CUL1: variants seen among roughly 807,000 people sequenced by gnomAD.
CUL1 encodes cullin-1.
In CUL1, 24 loss-of-function variants were observed where a neutral mutation model predicts 118.0. That is an observed-to-expected ratio of 0.20 (90% CI 0.15 to 0.29). CUL1 has a LOEUF of 0.29. CUL1 is among the 10% of genes least tolerant of loss of function. The pLI, the probability that CUL1 is intolerant of heterozygous loss-of-function variation, is 1.00. For synonymous variants in CUL1, 332 were observed against 340.4 expected, an observed-to-expected ratio of 0.98 and a Z score of 0.27; for missense variants, 361 against 933.8, an observed-to-expected ratio of 0.39 and a Z score of 7.99.
At chr7:148,736,293 T>C (rs755542270) in intron 2 of CUL1, among the ~76,000 whole-genome samples, 8 of 152,016 alleles carry the variant, frequency 5.3e-5, no homozygotes, top group Non-Finnish European at 1.2e-4. Flanking sequence ...TGGAGGGAAA[T>C]TTAGAGATAT....
intron 1 of CUL1, among the ~76,000 whole-genome samples, chr7:148,720,501 G>A (rs929816805): frequency 3.3e-5 from 5 of 152,268 alleles, no homozygotes; most frequent in African/African-American, 1.2e-4. Context: ...GGCTAAGCAT[G>A]ACCCTCAGTT....
intron 2 of CUL1, among the ~76,000 whole-genome samples, chr7:148,752,471 C>T (rs182463507): frequency 6.6e-6 from 1 of 151,776 alleles, no homozygotes; most frequent in African/African-American, 2.4e-5. Flanking sequence ...TTGATTATTA[C>T]CTAGATTGGT....
At chr7:148,793,176 A>AAC (rs932656510) in intron 17 of CUL1, among the ~76,000 whole-genome samples, 12 of 151,952 alleles carry the variant, frequency 7.9e-5, no homozygotes, top group African/African-American at 2.2e-4. Flanking sequence ...AACTACGTGT[A>AAC]ACACACACAC....
At chr7:148,757,260 A>G (rs954280525) in intron 4 of CUL1, 110 bp downstream of exon 4, 3 of 549,564 alleles carry the variant, frequency 5.5e-6, no homozygotes, top group Non-Finnish European at 8.5e-6. Context: ...TTTTTTCAGA[A>G]TAGTAAACTA....
intron 17 of CUL1, among the ~76,000 whole-genome samples, chr7:148,797,235 G>T (rs1801231408): frequency 6.6e-6 from 1 of 152,084 alleles, no homozygotes; most frequent in South Asian, 2.1e-4. Flanking sequence ...CTTTTGTGAT[G>T]ATCAGTGTCC....
In CUL1 at chr7:148,725,219, G is replaced by GCGCACA; in HGVS notation, c.-161-4742_-161-4741insGCACAC. Among the ~76,000 whole-genome samples, 611 of 140,140 alleles carry GCGCACA rather than the reference G, an allele frequency of 4.4e-3. 4 individuals are homozygous for GCGCACA. The highest frequency in any genetic ancestry group is 0.013 in the African/African-American group (451 of 35,428). 91.9% of individuals were successfully genotyped at this position (140,140 alleles called of 152,430 possible). A position where few individuals can be genotyped will look rare whatever the true frequency, so the allele number is the denominator to read the frequency against. On this transcript the variant is annotated intron_variant, in intron 1 of 21. Coordinates refer to ENST00000325222, the MANE Select transcript of CUL1 (RefSeq NM_003592.3). ...CGTGTACACACACACACACGCGCGCGCTCACACACACACACACACACACAC... is the reference window on the plus strand; with the variant it reads ...CGTGTACACACACACACACGCGCGCGCGCACACTCACACACACACACACACACACAC...
At chr7:148,742,300 C>T (rs1799167235) in intron 2 of CUL1, among the ~76,000 whole-genome samples, 1 of 151,908 alleles carries the variant, frequency 6.6e-6, no homozygotes, top group Non-Finnish European at 1.5e-5. Flanking sequence ...GGAGGCCTCA[C>T]AATCATGGTA....
chr7:148,796,530 C>T (rs1584826068), intron 17 of CUL1, among the ~76,000 whole-genome samples: 2 of 152,158 alleles, frequency 1.3e-5, no homozygotes, highest in East Asian at 3.8e-4. Context: ...CGAATTACTC[C>T]TAAATATATC....
chr7:148,776,763 A>G (rs1490491059), intron 9 of CUL1, among the ~76,000 whole-genome samples: 1 of 152,216 alleles, frequency 6.6e-6, no homozygotes, highest in African/African-American at 2.4e-5. Flanking sequence ...TGTAGTTTAA[A>G]TAAGTACTGA....
At chr7:148,735,100 T>C (rs537550265) in intron 2 of CUL1, among the ~76,000 whole-genome samples, 1 of 152,356 alleles carries the variant, frequency 6.6e-6, no homozygotes, top group Non-Finnish European at 1.5e-5. Flanking sequence ...GATTTGAGAA[T>C]CATTCATTCA....
chr7:148,751,509 T>C (rs1382815371), intron 2 of CUL1, among the ~76,000 whole-genome samples: 1 of 124,320 alleles, frequency 8.0e-6, no homozygotes, highest in Non-Finnish European at 1.6e-5. Flanking sequence ...CACTACAGCC[T>C]GGGAGACAGA....
intron 1 of CUL1, among the ~76,000 whole-genome samples, chr7:148,705,819 G>T (rs1797862279): frequency 6.6e-6 from 1 of 152,172 alleles, no homozygotes; most frequent in Non-Finnish European, 1.5e-5. Flanking sequence ...TTGGTGTGGG[G>T]GATGGTGGAG....
intron 2 of CUL1, among the ~76,000 whole-genome samples, chr7:148,742,469 C>T (rs996875186): frequency 6.6e-6 from 1 of 152,158 alleles, no homozygotes; most frequent in African/African-American, 2.4e-5. Context: ...GTTATCTCCA[C>T]CTGACCTTGC....
At chr7:148,727,012 AAAAT>A (rs914978427) in intron 1 of CUL1, among the ~76,000 whole-genome samples, 8 of 152,028 alleles carry the variant, frequency 5.3e-5, no homozygotes, top group Admixed American at 2.0e-4. Flanking sequence ...ACCCTATTTA[AAAAT>A]AAATAAATAA....
At chr7:148,788,315 T>C (rs1389409083) in intron 13 of CUL1, among the ~76,000 whole-genome samples, 1 of 152,188 alleles carries the variant, frequency 6.6e-6, no homozygotes, top group East Asian at 1.9e-4. Context: ...TGCTCACAAA[T>C]TGTGTATGAA....
chr7:148,793,790 C>T (rs1801096512), intron 17 of CUL1, among the ~76,000 whole-genome samples: 2 of 152,298 alleles, frequency 1.3e-5, no homozygotes, highest in Admixed American at 6.5e-5. Context: ...ATTGCTGAGT[C>T]ATGTAATAGC....
chr7:148,728,492 A>G (rs1417821930), intron 1 of CUL1, among the ~76,000 whole-genome samples: 1 of 152,184 alleles, frequency 6.6e-6, no homozygotes, highest in Non-Finnish European at 1.5e-5. Context: ...CATGGTTATT[A>G]TTATAGGTGT....
At position 148,744,670 on chromosome 7, in the gene CUL1, A is replaced by C. The variant is rs2129460034; in HGVS notation, c.141-9306A>C. On this transcript the variant is annotated intron_variant, in intron 2 of 21. Coordinates refer to ENST00000325222, the MANE Select transcript of CUL1 (RefSeq NM_003592.3). Reference sequence around the variant, plus strand: ...TAAACCATCCTTTGTATTTTAAAGAATTAAGAAAAGTATATTTACCCAGAT... The same window carrying C: ...TAAACCATCCTTTGTATTTTAAAGACTTAAGAAAAGTATATTTACCCAGAT... Among the ~76,000 whole-genome samples, 3 of 152,296 alleles carry C rather than the reference A, an allele frequency of 2.0e-5. No individual in the cohort carries two copies. In the South Asian group the frequency reaches 6.2e-4, roughly 32 times the overall value.
intron 1 of CUL1, among the ~76,000 whole-genome samples, chr7:148,728,234 G>A (rs1798649189): frequency 1.3e-5 from 2 of 152,162 alleles, no homozygotes; most frequent in African/African-American, 2.4e-5. Flanking sequence ...CAACACTGAT[G>A]GAGAAAGGCA....
Sources: allele counts gnomAD v4.1 joint callset (sites outside exome capture counted in the v4.1 genomes callset), GRCh38; gene constraint gnomAD v4.1.1; transcripts MANE v1.5; gene names NCBI Gene and HGNC (gene_info 2026-07-23, HGNC 2026-07-21).